Variants in FHIT observed in about 807,000 individuals in gnomAD.
FHIT encodes fragile histidine triad diadenosine triphosphatase.
Under a neutral mutation model 17.9 loss-of-function variants are expected in FHIT, and 19 were observed. The ratio of observed to expected loss-of-function variants is 1.06; its 90% confidence interval spans 0.74 to 1.56. FHIT has a LOEUF of 1.56. FHIT is among the 40% of genes most tolerant of loss of function. The pLI is 0.00. For missense variants in FHIT, 248 were observed against 189.2 expected, an observed-to-expected ratio of 1.31 and a Z score of -1.82; for synonymous variants, 81 against 69.7, an observed-to-expected ratio of 1.16 and a Z score of -0.81.
At chr3:60,683,990 G>A (rs1316632574) in intron 4 of FHIT, among the ~76,000 whole-genome samples, 5 of 151,884 alleles carry the variant, frequency 3.3e-5, no homozygotes, top group Non-Finnish European at 7.4e-5. Flanking sequence ...TTTAATCCTG[G>A]AAAAATGCTA....
chr3:61,211,782 A>G (rs1326669307), intron 1 of FHIT, among the ~76,000 whole-genome samples: 2 of 152,158 alleles, frequency 1.3e-5, no homozygotes, highest in African/African-American at 4.8e-5. Flanking sequence ...GACACCTCAC[A>G]CGGCCGGGTA....
chr3:61,117,652 C>A (rs1233471671), intron 2 of FHIT, among the ~76,000 whole-genome samples: 2 of 152,180 alleles, frequency 1.3e-5, no homozygotes, highest in Non-Finnish European at 2.9e-5. Flanking sequence ...TTTTATCTGA[C>A]GAGTGGTTTT....
intron 8 of FHIT, among the ~76,000 whole-genome samples, chr3:59,779,913 G>C (rs1702495941): frequency 6.6e-6 from 1 of 152,222 alleles, no homozygotes; most frequent in Non-Finnish European, 1.5e-5. Flanking sequence ...TGACCACACG[G>C]ACACACAGGT....
At chr3:60,815,323 C>T (rs143969777) in intron 4 of FHIT, among the ~76,000 whole-genome samples, 189 of 152,180 alleles carry the variant, frequency 1.2e-3, no homozygotes, top group Admixed American at 3.6e-3. Flanking sequence ...AGGCTGATGT[C>T]CAGAATGGTG....
chr3:59,987,584 T>G (rs543393137), intron 7 of FHIT, among the ~76,000 whole-genome samples: 1 of 152,180 alleles, frequency 6.6e-6, no homozygotes, highest in Admixed American at 6.6e-5. Flanking sequence ...TACTGTAAGC[T>G]CATTTCCAAA....
At chr3:60,319,971 AC>A (rs1709348156) in intron 5 of FHIT, among the ~76,000 whole-genome samples, 2 of 151,960 alleles carry the variant, frequency 1.3e-5, no homozygotes, top group Non-Finnish European at 2.9e-5. Flanking sequence ...CTCTCACAAA[AC>A]CGCAGTCACT....
At chr3:59,898,107 C>A (rs1704155862) in intron 8 of FHIT, among the ~76,000 whole-genome samples, 1 of 152,096 alleles carries the variant, frequency 6.6e-6, no homozygotes, top group Non-Finnish European at 1.5e-5. Flanking sequence ...GATGCCACAA[C>A]TGGAAAATTC....
intron 3 of FHIT, among the ~76,000 whole-genome samples, chr3:61,006,154 T>C (rs2107613572): frequency 6.6e-6 from 1 of 152,308 alleles, no homozygotes; most frequent in Middle Eastern, 3.4e-3. Context: ...AGAGAACTTG[T>C]AAAACAGTTT....
At chr3:60,765,505 G>A (rs1385892900) in intron 4 of FHIT, 5 of 152,200 alleles carry the variant, frequency 3.3e-5, no homozygotes, top group African/African-American at 1.2e-4. Context: ...AGAAAAAAAG[G>A]TGAATCAAAT....
intron 4 of FHIT, among the ~76,000 whole-genome samples, chr3:60,657,166 A>G (rs1307479331): frequency 6.6e-6 from 1 of 152,166 alleles, no homozygotes; most frequent in Non-Finnish European, 1.5e-5. Context: ...TCTTGGAGCT[A>G]TAATAATTAG....
At chr3:60,564,158 C>T (rs1030275826) in intron 4 of FHIT, among the ~76,000 whole-genome samples, 10 of 152,166 alleles carry the variant, frequency 6.6e-5, no homozygotes, top group African/African-American at 2.4e-4. Context: ...TACATCAACT[C>T]TGCCTGTGCT....
intron 4 of FHIT, among the ~76,000 whole-genome samples, chr3:60,638,478 G>C (rs1432955231): frequency 3.9e-5 from 6 of 152,210 alleles, no homozygotes; most frequent in Middle Eastern, 6.8e-3. Context: ...TTACATCAGT[G>C]GTTCCCATAC....
At chr3:60,368,348 A>T (rs1384112116) in intron 5 of FHIT, among the ~76,000 whole-genome samples, 2 of 152,056 alleles carry the variant, frequency 1.3e-5, no homozygotes, top group Non-Finnish European at 2.9e-5. Context: ...CTACAGTGGT[A>T]TCTCATTCCT....
chr3:60,543,907 C>CTTTTTTTTTTTTGTTTTTT (rs2036270976), intron 4 of FHIT, among the ~76,000 whole-genome samples: 1 of 52,076 alleles, frequency 1.9e-5, no homozygotes, highest in Non-Finnish European at 3.0e-5. Flanking sequence ...CCACGCCCGG[C>CTTTTTTTTTTTTGTTTTTT]TTTTTTTTTT....
chr3:60,939,721 A>C (rs1708331478), intron 3 of FHIT, among the ~76,000 whole-genome samples: 1 of 152,174 alleles, frequency 6.6e-6, no homozygotes, highest in Non-Finnish European at 1.5e-5. Context: ...AACCAAATAA[A>C]ACAAAATAAG....
intron 5 of FHIT, among the ~76,000 whole-genome samples, chr3:60,410,002 A>T (rs1576612097): frequency 6.6e-6 from 1 of 152,302 alleles, no homozygotes; most frequent in East Asian, 1.9e-4. Context: ...ACAACACCCT[A>T]ACAGATTTAT....
chr3:60,019,074 C>T (rs1700453010), intron 5 of FHIT, among the ~76,000 whole-genome samples: 1 of 152,208 alleles, frequency 6.6e-6, no homozygotes, highest in African/African-American at 2.4e-5. Flanking sequence ...TGGACTCACT[C>T]ATGCAACTGC....
chr3:60,052,200 T>A (rs9831509), intron 5 of FHIT, among the ~76,000 whole-genome samples: 1 of 151,980 alleles, frequency 6.6e-6, no homozygotes, highest in Non-Finnish European at 1.5e-5. Flanking sequence ...TATAATCCCA[T>A]AAGAACCAAG....
At chr3:61,014,952 G>A (rs72873072) in intron 3 of FHIT, among the ~76,000 whole-genome samples, 3,049 of 150,098 alleles carry the variant, frequency 0.02, 70 homozygotes, top group African/African-American at 0.049. Flanking sequence ...CATTTTAAAA[G>A]ATCCTCTTTT....
Sources: allele counts gnomAD v4.1 joint callset (sites outside exome capture counted in the v4.1 genomes callset), GRCh38; gene constraint gnomAD v4.1.1; transcripts MANE v1.5; gene names NCBI Gene and HGNC (gene_info 2026-07-23, HGNC 2026-07-21).